The following CCDC171 variants were observed in gnomAD, a reference collection of about 807,000 sequenced individuals.
CCDC171 encodes the protein coiled-coil domain-containing protein 171.
In CCDC171, 177 loss-of-function variants were observed where a neutral mutation model predicts 168.2. The ratio of observed to expected loss-of-function variants is 1.05; its 90% CI spans 0.93 to 1.19. The LOEUF (loss-of-function observed/expected upper bound fraction) is 1.19, where lower values mean the gene tolerates loss of function less well. Among genes scored for constraint, CCDC171 ranks in the 50% most tolerant of loss-of-function variants. The pLI is 0.00. For missense variants in CCDC171, 1,991 were observed against 1,539.0 expected (o/e 1.29, Z -4.91); for synonymous variants, 687 against 540.8 (o/e 1.27, Z -3.75).
At position 15,631,577 on chromosome 9, in the gene CCDC171, A is replaced by G. The variant is rs1290284097; in HGVS notation, c.822+8164A>G. On this transcript the variant is annotated intron_variant, in intron 7 of 25. Transcript: ENST00000380701. ...CAGGATCAGTTGGATTCACAGCCGAATTCTATCAGAGGTACAAGGAGGAAC... is the reference window on the plus strand; with the variant it reads ...CAGGATCAGTTGGATTCACAGCCGAGTTCTATCAGAGGTACAAGGAGGAAC... Among the ~76,000 whole-genome samples the G allele has an allele frequency of 8.5e-5, 13 of 152,352 alleles. No homozygotes were observed. In the East Asian group the frequency reaches 2.3e-3, roughly 27 times the overall value.
intron 15 of CCDC171, among the ~76,000 whole-genome samples, chr9:15,728,566 C>CA (rs1416095488): frequency 2.0e-5 from 3 of 152,074 alleles, no homozygotes; most frequent in African/African-American, 7.2e-5. Flanking sequence ...CTTTAGACTG[C>CA]AAAAAGTGTA....
intron 8 of CCDC171, among the ~76,000 whole-genome samples, chr9:15,661,174 G>A (rs555103484): frequency 3.3e-5 from 5 of 152,070 alleles, no homozygotes; most frequent in East Asian, 3.9e-4. Context: ...CAGCTACTCC[G>A]GAGGCTGAGG....
At chr9:15,677,879 CATATATATAT>C (rs71325929) in intron 9 of CCDC171, among the ~76,000 whole-genome samples, 2 of 12,480 alleles carry the variant, frequency 1.6e-4, no homozygotes, top group African/African-American at 2.3e-4. Flanking sequence ...GTGTGTGTGT[CATATATATAT>C]ATATATATAT....
chr9:16,033,848 C>A (rs528380753), intron 6 of CCDC171, among the ~76,000 whole-genome samples: 37 of 152,278 alleles, frequency 2.4e-4, no homozygotes, highest in African/African-American at 7.7e-4. Flanking sequence ...GTTCTCCCAA[C>A]ATCCTATGCT....
upstream of CCDC171, among the ~76,000 whole-genome samples, chr9:16,040,598 G>T (rs1452776395): frequency 6.6e-6 from 1 of 152,352 alleles, no homozygotes; most frequent in East Asian, 1.9e-4. Flanking sequence ...ATTGTTTGCA[G>T]TTGTAAAGTG....
chr9:15,777,750 A>G lies in CCDC171; in HGVS notation c.2822A>G (p.Gln941Arg), dbSNP rs1021413748. The G allele has an allele frequency of 6.2e-7, 1 of 1,614,090 alleles. No individual in the cohort carries two copies. The highest frequency in any genetic ancestry group is 8.5e-7 in the Non-Finnish European group (1 of 1,180,026). Residue 941 changes from glutamine to arginine, a missense_variant, in exon 19 of 26, where the codon CAG becomes CGG. By Grantham distance (43) the Gln-to-Arg change is conservative. Coordinates refer to ENST00000380701, the MANE Select transcript of CCDC171 (RefSeq NM_173550.4). ...TATGTAGAAAAAGATTCCCTGGTTC[A>G]GAGGCTGGCCCATGGACTTCATAAA... ...ITYVEKDSLV[Q>R]RLAHGLHKVN...
At chr9:16,040,246 G>C (rs147950275), upstream of CCDC171, among the ~76,000 whole-genome samples, 4 of 152,280 alleles carry the variant, frequency 2.6e-5, no homozygotes, top group African/African-American at 9.6e-5. Flanking sequence ...TCCTGCCTCT[G>C]TTCCTGGAGC....
the CCDC171 span, among the ~76,000 whole-genome samples, chr9:16,084,286 C>G: frequency 3.3e-5 from 5 of 152,132 alleles, no homozygotes; most frequent in African/African-American, 4.8e-5. Context: ...TTCTCTTTCT[C>G]TCTCTGTCTT....
intron 7 of CCDC171, among the ~76,000 whole-genome samples, chr9:15,649,245 A>G (rs1350145285): frequency 6.6e-6 from 1 of 152,232 alleles, no homozygotes; most frequent in East Asian, 1.9e-4. Context: ...ACAAAAGTTA[A>G]TTCAAGATGA....
At chr9:15,851,446 A>G (rs1184174787) in intron 23 of CCDC171, among the ~76,000 whole-genome samples, 1 of 151,930 alleles carries the variant, frequency 6.6e-6, no homozygotes, top group African/African-American at 2.4e-5. Context: ...GGGAATTTCA[A>G]GTTATTGGAG....
chr9:16,098,598 G>C, the CCDC171 span, among the ~76,000 whole-genome samples: 1 of 152,182 alleles, frequency 6.6e-6, no homozygotes. Flanking sequence ...TGTTAATGAA[G>C]TCGATGAAAT....
intron 25 of CCDC171, among the ~76,000 whole-genome samples, chr9:15,960,142 G>A (rs1830204084): frequency 6.6e-6 from 1 of 152,126 alleles, no homozygotes; most frequent in Admixed American, 6.5e-5. Context: ...ATGAGGACAG[G>A]AAACTTCCAG....
the CCDC171 span, among the ~76,000 whole-genome samples, chr9:16,084,166 T>G: frequency 0.011 from 1,665 of 152,298 alleles, 37 homozygotes; most frequent in African/African-American, 0.037. Context: ...AAAAGCTGCT[T>G]CTTTAAATTG....
At chr9:15,887,308 T>C (rs752060292) in intron 24 of CCDC171, among the ~76,000 whole-genome samples, 4 of 152,128 alleles carry the variant, frequency 2.6e-5, no homozygotes, top group Non-Finnish European at 5.9e-5. Flanking sequence ...ACCAGTGAAA[T>C]GTAGAGTAAT....
intron 25 of CCDC171, among the ~76,000 whole-genome samples, chr9:15,921,070 G>C (rs541099765): frequency 1.3e-5 from 2 of 151,796 alleles, no homozygotes; most frequent in African/African-American, 2.4e-5. Flanking sequence ...CCCTCAAAAG[G>C]CTGATATGTC....
chr9:15,594,389 A>G (rs779381093), intron 6 of CCDC171, among the ~76,000 whole-genome samples: 9 of 152,080 alleles, frequency 5.9e-5, no homozygotes, highest in Non-Finnish European at 1.2e-4. Flanking sequence ...TGCATACCTT[A>G]TGTGATTTTT....
At chr9:15,831,648 G>C (rs1384040812) in intron 21 of CCDC171, among the ~76,000 whole-genome samples, 1 of 152,092 alleles carries the variant, frequency 6.6e-6, no homozygotes, top group Non-Finnish European at 1.5e-5. Context: ...CATACCATTT[G>C]TTCCAGTTAG....
intron 25 of CCDC171, among the ~76,000 whole-genome samples, chr9:15,949,483 C>A (rs1353141012): frequency 6.6e-6 from 1 of 152,128 alleles, no homozygotes; most frequent in African/African-American, 2.4e-5. Flanking sequence ...TTGCTTGTAT[C>A]CTCTTTTATT....
rs1257083442 is a variant in CCDC171, at chr9:15,996,612, C to T, written n.369-23977C>T. Among the ~76,000 whole-genome samples the T allele has an allele frequency of 2.0e-5, 3 of 151,664 alleles. No individual in the cohort carries two copies. The East Asian group carries it at 5.8e-4, about 29-fold the overall frequency. On this transcript the variant is annotated intron_variant and non_coding_transcript_variant, in intron 3 of 9. Coordinates refer to the CCDC171 transcript ENST00000486641. ...TGAATTTTGGATTAGGAATGCTCAA[C>T]TAAAATAGTTTTAAGTTAAAAATAC...
Sources: gnomAD v4.1 joint callset for allele counts (sites outside exome capture counted in the v4.1 genomes callset) on GRCh38, gnomAD v4.1.1 for gene constraint, MANE v1.5 for transcripts, NCBI Gene and HGNC (gene_info 2026-07-23, HGNC 2026-07-21) for gene names.